ADH5: variants seen among roughly 807,000 people sequenced by gnomAD.
The protein encoded by ADH5 is alcohol dehydrogenase 5 (class III), chi polypeptide.
Under a neutral mutation model 40.3 loss-of-function variants are expected in ADH5, and 32 were observed. The ratio of observed to expected loss-of-function variants is 0.79; its 90% CI spans 0.60 to 1.07. ADH5 has a LOEUF of 1.07. Among genes scored for constraint, ADH5 ranks in the 50% least tolerant of loss-of-function variants. The probability of loss-of-function intolerance (pLI) is 0.00; values close to 1 mark genes in which losing one functional copy is unlikely to be tolerated. For synonymous variants in ADH5, 125 were observed against 154.3 expected, an observed-to-expected ratio of 0.81 and a Z score of 1.41; for missense variants, 353 against 460.5, an observed-to-expected ratio of 0.77 and a Z score of 2.14.
chr4:99,088,778 C>A lies in ADH5; in HGVS notation c.-78G>T. 1.7e-6 allele frequency: 2 copies of A among 1,183,516 alleles called. No homozygotes were observed. The highest frequency in any genetic ancestry group is 2.3e-6 in the Non-Finnish European group (2 of 860,458). 73.3% of individuals were successfully genotyped at this position (1,183,516 alleles called of 1,614,324 possible). A position where few individuals can be genotyped will look rare whatever the true frequency, so the allele number is the denominator to read the frequency against. On this transcript the variant is annotated 5_prime_UTR_variant, in exon 1 of 9. Coordinates refer to ENST00000296412, the MANE Select transcript of ADH5 (RefSeq NM_000671.4). The stretch of plus-strand genomic sequence containing the variant: ...GCGACGGAGGCATGGGCGTGGCGAG[C>A]GCCTAGCGAGGGGGGCGGGGCGTGG...
intron 2 of ADH5, among the ~76,000 whole-genome samples, chr4:99,083,871 C>T (rs898513990): frequency 2.0e-5 from 3 of 152,038 alleles, no homozygotes; most frequent in Admixed American, 2.0e-4. Flanking sequence ...TTCTACATGC[C>T]AAGGTTTCAA....
Position 99,081,792 on chromosome 4 carries a change from T to C in ADH5, c.256+183A>G, listed in dbSNP as rs879051546. The C allele has an allele frequency of 5.3e-6, 4 of 757,260 alleles. No individual in the cohort carries two copies. The South Asian group carries it at 1.1e-4, about 20-fold the overall frequency. 46.9% of individuals were successfully genotyped at this position (757,260 alleles called of 1,614,324 possible). A position where few individuals can be genotyped will look rare whatever the true frequency, so the allele number is the denominator to read the frequency against. On this transcript the variant is annotated intron_variant, in intron 3 of 8. Coordinates refer to ENST00000296412, the MANE Select transcript of ADH5 (RefSeq NM_000671.4). ...GAAAAGTTTCACAAAAACAGTAGTC[T>C]GCAAAATCAGAGAGAAAAAAATATC...
At chr4:99,073,998 T>G (rs539508502) in intron 7 of ADH5, among the ~76,000 whole-genome samples, 15 of 152,220 alleles carry the variant, frequency 9.9e-5, no homozygotes, top group Non-Finnish European at 1.8e-4. Context: ...CAAGTCAGAT[T>G]GACATCTTCT....
intron 3 of ADH5, 75 bp from the exon 4 acceptor site, chr4:99,081,527 C>A: frequency 9.2e-7 from 1 of 1,089,426 alleles, no homozygotes. Flanking sequence ...TTGCAAATTC[C>A]TGTCAACGGA....
intron 4 of ADH5, among the ~76,000 whole-genome samples, chr4:99,081,078 G>A (rs1050891220): frequency 2.0e-5 from 3 of 152,110 alleles, no homozygotes; most frequent in Admixed American, 6.6e-5. Context: ...CATAAAACAC[G>A]TTGTTCCTTG....
At chr4:99,081,519 G>A (rs1490388916) in intron 3 of ADH5, 67 bp from the exon 4 acceptor site, 1 of 1,151,834 alleles carries the variant, frequency 8.7e-7, no homozygotes, top group Non-Finnish European at 1.3e-6. Flanking sequence ...ATCAGCCCTT[G>A]CAAATTCCTG....
intron 1 of ADH5, 31 bp downstream of exon 1, chr4:99,088,658 G>C (rs753780632): frequency 6.2e-7 from 1 of 1,602,914 alleles, no homozygotes; most frequent in Non-Finnish European, 8.5e-7. Context: ...CCCTCCCTTG[G>C]ACTCAGGGCC....
intron 1 of ADH5, among the ~76,000 whole-genome samples, chr4:99,085,869 C>CTACAAAAA (rs1728125328): frequency 1.3e-5 from 2 of 152,122 alleles, no homozygotes; most frequent in Non-Finnish European, 2.9e-5. Flanking sequence ...AACCTCATCT[C>CTACAAAAA]TACAAAAATA....
At chr4:99,086,283 T>TATATATC (rs28730575) in intron 1 of ADH5, among the ~76,000 whole-genome samples, 1 of 151,418 alleles carries the variant, frequency 6.6e-6, no homozygotes. Context: ...ACGTGACTAA[T>TATATATC]TATAGCACAC....
At chr4:99,081,637 T>C in intron 3 of ADH5, 185 bp from the exon 4 acceptor site, 1 of 582,280 alleles carries the variant, frequency 1.7e-6, no homozygotes, top group Non-Finnish European at 3.1e-6. Flanking sequence ...TTCAATATTT[T>C]TATCTAAATG....
At chr4:99,084,612 CTCTG>C (rs1474021670) in intron 2 of ADH5, among the ~76,000 whole-genome samples, 3 of 152,300 alleles carry the variant, frequency 2.0e-5, no homozygotes, top group South Asian at 2.1e-4. Flanking sequence ...CATACTGCTG[CTCTG>C]TCTATGGAAA....
At position 99,082,089 on chromosome 4, in the gene ADH5, C is replaced by T. The variant is rs775687532; in HGVS notation, c.142G>A (p.Asp48Asn). Residue 48 changes from aspartate to asparagine, a missense_variant, in exon 3 of 9, where the codon GAT becomes AAT. Asp to Asn is a conservative substitution (Grantham distance 23, BLOSUM62 1). Coordinates refer to ENST00000296412, the MANE Select transcript of ADH5 (RefSeq NM_000671.4). ...TCAGCTCCACTCAGGGTATAGGCAT[C>T]GGTGTGGCAAACCGCAGTGGCAATG... ...KIIATAVCHT[D>N]AYTLSGADPE... 20 of 1,613,652 alleles carry T rather than the reference C, an allele frequency of 1.2e-5. No individual in the cohort carries two copies. Among genetic ancestry groups the T allele is most frequent in the Middle Eastern group, 1.6e-4 (1 of 6,082 alleles).
At chr4:99,086,826 G>GCTAC (rs1468291346) in intron 1 of ADH5, among the ~76,000 whole-genome samples, 2 of 147,732 alleles carry the variant, frequency 1.4e-5, no homozygotes, top group Non-Finnish European at 3.0e-5. Context: ...TGTAGTCACA[G>GCTAC]CTACCGGGGA....
At chr4:99,088,096 A>T (rs1210021231) in intron 1 of ADH5, among the ~76,000 whole-genome samples, 2 of 152,128 alleles carry the variant, frequency 1.3e-5, no homozygotes, top group South Asian at 4.1e-4. Flanking sequence ...TTTTGGTAAG[A>T]TGGGGATAAC....
intron 4 of ADH5, chr4:99,080,327 C>CA (rs1195929643): frequency 4.9e-6 from 1 of 204,986 alleles, no homozygotes; most frequent in African/African-American, 2.4e-5. Context: ...CAGATTATGA[C>CA]AAACCATTCT....
chr4:99,072,625 G>C lies in ADH5; in HGVS notation c.1048C>G (p.Leu350Val). The C allele has an allele frequency of 6.2e-7, 1 of 1,613,688 alleles. No homozygotes were observed. The highest frequency in any genetic ancestry group is 8.5e-7 in the Non-Finnish European group (1 of 1,179,776). Residue 350 changes from leucine to valine, a missense_variant, in exon 8 of 9, where the codon CTG (leucine) becomes GTG (valine). By Grantham distance (32) the Leu-to-Val change is conservative (BLOSUM62 1). Transcript: ENST00000296412. ...GCTTTGTTGATTTCATCAAAAGACA[G>C]ATTGTGAGTCACAAATTCATCAACT... ...IKVDEFVTHN[L>V]SFDEINKAFE...
chr4:99,084,189 A>C (rs1210455130), intron 2 of ADH5, among the ~76,000 whole-genome samples: 1 of 152,180 alleles, frequency 6.6e-6, no homozygotes, highest in Non-Finnish European at 1.5e-5. Flanking sequence ...TAAGGCTGAG[A>C]CCTACCTACT....
Position 99,076,340 on chromosome 4 carries a change from A to G in ADH5, c.777T>C (p.Asp259=), listed in dbSNP as rs774675011. ...PIQEVLIEMT[D]GGVDYSFECI... ...ATTCAAAGGAATAGTCCACTCCTCC[A>G]TCGGTCATCTCAATGAGCACTTCCT... The change falls in exon 6 of 9, where the codon GAT becomes GAC. Residue 259 remains aspartate, a synonymous_variant. Transcript: ENST00000296412. The G allele has an allele frequency of 6.2e-7, 1 of 1,614,042 alleles. No homozygotes were observed. The highest frequency in any genetic ancestry group is 1.7e-5 in the Admixed American group (1 of 60,008).
intron 4 of ADH5, chr4:99,080,747 T>C (rs1219236277): frequency 2.0e-5 from 3 of 152,802 alleles, no homozygotes; most frequent in Non-Finnish European, 4.4e-5. Context: ...GGGATAGTAG[T>C]GAGGTTGTTA....
Sources: allele counts gnomAD v4.1 joint callset (sites outside exome capture counted in the v4.1 genomes callset), GRCh38; gene constraint gnomAD v4.1.1; transcripts MANE v1.5; gene names NCBI Gene and HGNC (gene_info 2026-07-23, HGNC 2026-07-21).